TRIM69: variants seen among roughly 807,000 people sequenced by gnomAD.
The protein encoded by TRIM69 is E3 ubiquitin-protein ligase TRIM69.
Under a neutral mutation model 37.7 loss-of-function variants are expected in TRIM69, and 29 were observed. That is an observed-to-expected ratio of 0.77 (90% CI 0.57 to 1.05). The LOEUF (loss-of-function observed/expected upper bound fraction) is 1.05. TRIM69 is among the 50% of genes least tolerant of loss of function. TRIM69 has a pLI of 0.00. For missense variants in TRIM69, 596 were observed against 579.9 expected (o/e 1.03, Z -0.28); for synonymous variants, 209 against 212.4 (o/e 0.98, Z 0.14).
intron 2 of TRIM69, 147 bp from the exon 3 acceptor site, chr15:44,756,221 G>A (rs1272507905): frequency 4.3e-5 from 25 of 577,830 alleles, no homozygotes; most frequent in Non-Finnish European, 7.5e-5. Context: ...ATTCTTGAAC[G>A]AGACAAGAAC....
At chr15:44,744,807 TGCC>T (rs896420436) in intron 1 of TRIM69, among the ~76,000 whole-genome samples, 3 of 152,134 alleles carry the variant, frequency 2.0e-5, no homozygotes, top group Non-Finnish European at 4.4e-5. Context: ...ATAAAAGGCT[TGCC>T]ATTAGTTTGT....
intron 1 of TRIM69, 67 bp from the exon 2 acceptor site, chr15:44,754,833 C>A: frequency 8.4e-7 from 1 of 1,194,660 alleles, no homozygotes; most frequent in Non-Finnish European, 1.2e-6. Context: ...GGAATGGCGC[C>A]ATCATCCTGG....
At chr15:44,741,736 C>T (rs1045433993) in intron 1 of TRIM69, among the ~76,000 whole-genome samples, 8 of 152,028 alleles carry the variant, frequency 5.3e-5, no homozygotes, top group East Asian at 1.9e-4. Flanking sequence ...ATAAATTCTT[C>T]GACACATACA....
chr15:44,746,416 A>G (rs2087408262), intron 1 of TRIM69, among the ~76,000 whole-genome samples: 1 of 152,202 alleles, frequency 6.6e-6, no homozygotes, highest in East Asian at 1.9e-4. Context: ...CAAAGACATA[A>G]AAAAAGCACT....
intron 1 of TRIM69, chr15:44,753,238 G>A (rs957868802): frequency 6.6e-6 from 1 of 151,938 alleles, no homozygotes; most frequent in Non-Finnish European, 1.5e-5. Context: ...TTCAGTTTTT[G>A]TTTATCTGGG....
At chr15:44,746,088 T>C (rs1033001073) in intron 1 of TRIM69, among the ~76,000 whole-genome samples, 3 of 151,794 alleles carry the variant, frequency 2.0e-5, no homozygotes, top group Non-Finnish European at 4.4e-5. Context: ...ATTAAACTAT[T>C]AAAAGCCAAA....
intron 1 of TRIM69, among the ~76,000 whole-genome samples, chr15:44,751,589 C>T (rs539165032): frequency 2.4e-4 from 36 of 152,180 alleles, no homozygotes; most frequent in African/African-American, 8.4e-4. Flanking sequence ...TTTCCTTCTG[C>T]TATCTTTGGT....
intron 1 of TRIM69, among the ~76,000 whole-genome samples, chr15:44,747,121 C>T (rs1457440223): frequency 6.6e-6 from 1 of 152,118 alleles, no homozygotes; most frequent in South Asian, 2.1e-4. Flanking sequence ...AGCCCTGGTA[C>T]AGAACAAAGA....
At position 44,767,491 on chromosome 15, in the gene TRIM69, A is replaced by T. The variant is rs549900763; in HGVS notation, c.1222A>T (p.Thr408Ser). 1 of 1,614,134 alleles carries T rather than the reference A, an allele frequency of 6.2e-7. No homozygotes were observed. Among genetic ancestry groups the T allele is most frequent in the African/African-American group, 1.3e-5 (1 of 75,042 alleles). ...SIIRKGSCPL[T>S]PEQGFWLLRL... The stretch of plus-strand genomic sequence containing the variant: ...CATTCGGAAGGGCAGCTGTCCTCTA[A>T]CTCCTGAGCAAGGATTCTGGCTTTT... The change falls in exon 7 of 7, where the codon ACT (threonine) becomes TCT (serine). Residue 408 changes from threonine (T) to serine (S), a missense_variant. Physicochemically the swap from Thr to Ser is moderately conservative, Grantham distance 58. Coordinates refer to ENST00000329464, the MANE Select transcript of TRIM69 (RefSeq NM_182985.5).
chr15:44,767,061 A>AAAAAAAAAAAAG lies in TRIM69; in HGVS notation c.962-159_962-158insGAAAAAAAAAAA, dbSNP rs2087907314. Among the ~76,000 whole-genome samples, 12 of 131,616 alleles carry AAAAAAAAAAAAG rather than the reference A, an allele frequency of 9.1e-5. 1 individual carries two copies. Among genetic ancestry groups the AAAAAAAAAAAAG allele is most frequent in the Non-Finnish European group, 1.8e-4 (11 of 60,624 alleles). The allele number at this position is 131,616 out of a possible 152,430, so 86.3% of individuals were successfully genotyped here. A position where few individuals can be genotyped will look rare whatever the true frequency, so the allele number is the denominator to read the frequency against. On this transcript the variant is annotated intron_variant, in intron 6 of 6. Transcript: ENST00000329464. ...GGCAACCTTGTCTGCCTCAAAAAAA[A>AAAAAAAAAAAAG]AAAAAAAAAAAAAAAAAAAAAAAGC...
chr15:44,767,041 C>A (rs1212876785), intron 6 of TRIM69, among the ~76,000 whole-genome samples, 190 bp from the exon 7 acceptor site: 7 of 45,590 alleles, frequency 1.5e-4, no homozygotes, highest in Non-Finnish European at 2.2e-4. Flanking sequence ...CCCTGGGCAA[C>A]CTTGTCTGCC....
chr15:44,762,198 C>G (rs2141147446), intron 6 of TRIM69, among the ~76,000 whole-genome samples: 1 of 152,264 alleles, frequency 6.6e-6, no homozygotes, highest in South Asian at 2.1e-4. Flanking sequence ...GATCACCTGA[C>G]CTCGTGATCT....
At chr15:44,767,053 C>CAGAAAAAAAAAAAAA (rs2087904879) in intron 6 of TRIM69, among the ~76,000 whole-genome samples, 178 bp from the exon 7 acceptor site, 1 of 24,312 alleles carries the variant, frequency 4.1e-5, no homozygotes, top group Non-Finnish European at 6.9e-5. Context: ...TTGTCTGCCT[C>CAGAAAAAAAAAAAAA]AAAAAAAAAA....
At position 44,759,677 on chromosome 15, in the gene TRIM69, A is replaced by G. The variant is rs763894011; in HGVS notation, c.836+15A>G. On this transcript the variant is annotated intron_variant, in intron 5 of 6. Coordinates refer to ENST00000329464, the MANE Select transcript of TRIM69 (RefSeq NM_182985.5). ...CTCTTACATAGGTAAGTGTTTCCCT[A>G]TGGTACTATTAATATCATTCCTTGA... is the stretch of plus-strand genomic sequence containing the variant. The G allele has an allele frequency of 3.7e-6, 6 of 1,613,976 alleles. No individual in the cohort carries two copies. The highest frequency in any genetic ancestry group is 1.6e-4 in the Middle Eastern group (1 of 6,082).
At position 44,759,884 on chromosome 15, in the gene TRIM69, T is replaced by C; in HGVS notation, c.961+12T>C. The C allele has an allele frequency of 1.2e-6, 2 of 1,606,192 alleles. No individual in the cohort carries two copies. Among genetic ancestry groups the C allele is most frequent in the Non-Finnish European group, 1.7e-6 (2 of 1,174,032 alleles). On this transcript the variant is annotated intron_variant, in intron 6 of 6. Transcript: ENST00000329464. ...CACTCTCTGCCCAGGTATCAGTGGG[T>C]AGTAACTATTGGTTCTTGAGGCTCC...
At chr15:44,752,258 C>A (rs78979093) in intron 1 of TRIM69, among the ~76,000 whole-genome samples, 2,336 of 152,242 alleles carry the variant, frequency 0.015, 56 homozygotes, top group African/African-American at 0.052. Flanking sequence ...ATCTTCACAT[C>A]TGTCTCTTTT....
chr15:44,754,931 C>A lies in TRIM69; in HGVS notation c.38C>A (p.Pro13Gln). Residue 13 changes from proline (P) to glutamine (Q), a missense_variant, in exon 2 of 7, where the codon CCA becomes CAA. Physicochemically the swap from Pro to Gln is moderately conservative, Grantham distance 76. Transcript: ENST00000329464. The stretch of plus-strand genomic sequence containing the variant: ...ACCAACCCCTCCTCCAACATCGATC[C>A]AGGCGACTATGTTGAAATGAATGAT... ...VSTNPSSNID[P>Q]GDYVEMNDSI... The A allele has an allele frequency of 1.2e-6, 2 of 1,613,438 alleles. No individual in the cohort carries two copies. Among genetic ancestry groups the A allele is most frequent in the Non-Finnish European group, 1.7e-6 (2 of 1,179,602 alleles).
chr15:44,739,948 T>C (rs921610988), intron 1 of TRIM69, among the ~76,000 whole-genome samples: 3 of 151,554 alleles, frequency 2.0e-5, no homozygotes, highest in Non-Finnish European at 4.4e-5. Flanking sequence ...CCCTGACCCC[T>C]GACCCCCTAG....
In TRIM69 at chr15:44,767,587, C is replaced by G. The variant is rs1158517170; in HGVS notation, c.1318C>G (p.Leu440Val). 9 of 1,614,076 alleles carry G rather than the reference C, an allele frequency of 5.6e-6. No individual in the cohort carries two copies. Among genetic ancestry groups the G allele is most frequent in the African/African-American group, 1.3e-5 (1 of 74,930 alleles). ...TTTCAGTCTGACACTGACTAACAAC[C>G]TCGACAAGGTGGGCATATACCTGGA... Reference protein sequence around the residue: ...PSFSLTLTNNLDKVGIYLDYE... With the variant: ...PSFSLTLTNNVDKVGIYLDYE... Residue 440 changes from leucine to valine, a missense_variant, in exon 7 of 7, where the codon CTC becomes GTC. Transcript: ENST00000329464.
Sources: gnomAD v4.1 joint callset for allele counts (sites outside exome capture counted in the v4.1 genomes callset) on GRCh38, gnomAD v4.1.1 for gene constraint, MANE v1.5 for transcripts, NCBI Gene and HGNC (gene_info 2026-07-23, HGNC 2026-07-21) for gene names.